Variants in AKAP6 observed in about 807,000 individuals in gnomAD.
AKAP6 encodes the protein A-kinase anchor protein 6.
AKAP6 carries 58 observed loss-of-function variants against 188.5 expected under a neutral mutation model. The observed-to-expected ratio is 0.31, with a 90% CI of 0.25 to 0.38. AKAP6 has a LOEUF of 0.38. AKAP6 is among the 10% of genes least tolerant of loss of function. The pLI is 1.00. For synonymous variants in AKAP6, 989 were observed against 998.6 expected (o/e 0.99, Z 0.18); for missense variants, 2,710 against 2,740.0 (o/e 0.99, Z 0.24).
intron 10 of AKAP6, chr14:32,734,595 A>G (rs1263597248): frequency 6.6e-6 from 1 of 152,146 alleles, no homozygotes; most frequent in Non-Finnish European, 1.5e-5. Context: ...GTGGCAATAA[A>G]TTCTTTTTTG....
At chr14:32,741,092 C>T (rs1165247217) in intron 11 of AKAP6, among the ~76,000 whole-genome samples, 1 of 134,652 alleles carries the variant, frequency 7.4e-6, no homozygotes, top group African/African-American at 2.8e-5. Flanking sequence ...AGAGATTTTT[C>T]AGTTCTTTGG....
chr14:32,708,819 T>C (rs1252108965), intron 9 of AKAP6, among the ~76,000 whole-genome samples: 1 of 151,962 alleles, frequency 6.6e-6, no homozygotes. Flanking sequence ...TTGTCCTTCC[T>C]CCTTAGCTTT....
At chr14:32,548,536 A>C (rs1475899975) in intron 4 of AKAP6, among the ~76,000 whole-genome samples, 2 of 90,280 alleles carry the variant, frequency 2.2e-5, no homozygotes, top group Non-Finnish European at 4.8e-5. Flanking sequence ...TAAAATAGAT[A>C]GATAGATAGA....
intron 1 of AKAP6, among the ~76,000 whole-genome samples, chr14:32,348,041 C>T (rs1887125099): frequency 6.6e-6 from 1 of 152,232 alleles, no homozygotes; most frequent in African/African-American, 2.4e-5. Context: ...AAGGCCATGA[C>T]CCAAGGGCAG....
At chr14:32,519,903 G>T (rs969064775) in intron 2 of AKAP6, among the ~76,000 whole-genome samples, 3 of 152,110 alleles carry the variant, frequency 2.0e-5, no homozygotes, top group African/African-American at 7.2e-5. Context: ...ATTCTTCTCA[G>T]CACCACATCA....
At chr14:32,333,152 A>G (rs1279370351) in intron 1 of AKAP6, among the ~76,000 whole-genome samples, 1 of 152,146 alleles carries the variant, frequency 6.6e-6, no homozygotes, top group Non-Finnish European at 1.5e-5. Flanking sequence ...TTGTGTCTGC[A>G]TGAGGTACAG....
intron 3 of AKAP6, among the ~76,000 whole-genome samples, chr14:32,542,732 G>C (rs1034420728): frequency 6.6e-6 from 1 of 152,210 alleles, no homozygotes; most frequent in Non-Finnish European, 1.5e-5. Context: ...CGTGTGGCCA[G>C]TGAGGGGAGA....
At chr14:32,645,337 T>A (rs1479277925) in intron 7 of AKAP6, among the ~76,000 whole-genome samples, 1 of 152,194 alleles carries the variant, frequency 6.6e-6, no homozygotes, top group South Asian at 2.1e-4. Context: ...ATCAGTAATG[T>A]TTGTTGCATT....
At chr14:32,651,463 T>G (rs113485959) in intron 7 of AKAP6, among the ~76,000 whole-genome samples, 4 of 152,284 alleles carry the variant, frequency 2.6e-5, no homozygotes, top group African/African-American at 9.6e-5. Context: ...ACTGAGTAAT[T>G]TATAAAGAAC....
At chr14:32,395,321 A>G (rs1888843018) in intron 1 of AKAP6, among the ~76,000 whole-genome samples, 1 of 152,108 alleles carries the variant, frequency 6.6e-6, no homozygotes, top group African/African-American at 2.4e-5. Flanking sequence ...GTACTTTATC[A>G]TTAGTAGCAA....
chr14:32,498,583 C>T (rs1218141458), intron 2 of AKAP6, among the ~76,000 whole-genome samples: 1 of 151,980 alleles, frequency 6.6e-6, no homozygotes, highest in Non-Finnish European at 1.5e-5. Flanking sequence ...AATATTTGTT[C>T]ATTAATCCAC....
intron 7 of AKAP6, among the ~76,000 whole-genome samples, chr14:32,617,227 C>T (rs927533507): frequency 2.0e-5 from 3 of 152,086 alleles, no homozygotes; most frequent in Non-Finnish European, 2.9e-5. Context: ...GTCTCCAAAA[C>T]GTCCCAGTTT....
In AKAP6 at chr14:32,577,217, T is replaced by C; in HGVS notation, c.2444T>C (p.Leu815Pro). Residue 815 changes from leucine (L) to proline (P), a missense_variant, in exon 5 of 14, where the codon CTT becomes CCT. This residue lies in a region of AKAP6 where 2,473 missense variants were observed against 2,426.1 expected (regional missense o/e 1.02). Transcript: ENST00000280979. Reference sequence around the variant, plus strand: ...CCCCCTAAAGCAGAGATGGATGACCTTAAACTGTATCTGGAGACACACTTG... The same window carrying C: ...CCCCCTAAAGCAGAGATGGATGACCCTAAACTGTATCTGGAGACACACTTG... ...WTPPKAEMDD[L>P]KLYLETHLSF... 1 of 1,611,466 alleles carries C rather than the reference T, an allele frequency of 6.2e-7. No homozygotes were observed. Among genetic ancestry groups the C allele is most frequent in the South Asian group, 1.1e-5 (1 of 90,482 alleles).
At chr14:32,639,457 A>G (rs573661890) in intron 7 of AKAP6, among the ~76,000 whole-genome samples, 1 of 152,254 alleles carries the variant, frequency 6.6e-6, no homozygotes, top group South Asian at 2.1e-4. Flanking sequence ...AATCCCAATA[A>G]AAAGAATCAT....
At chr14:32,429,414 C>G (rs7157747) in intron 1 of AKAP6, among the ~76,000 whole-genome samples, 112,679 of 152,168 alleles carry the variant, frequency 0.74, 42,769 homozygotes, top group African/African-American at 0.91. Flanking sequence ...TGTTACTATA[C>G]GTTTCTACAA....
chr14:32,816,976 G>A (rs2034393434), intron 12 of AKAP6, among the ~76,000 whole-genome samples: 1 of 151,896 alleles, frequency 6.6e-6, no homozygotes, highest in Non-Finnish European at 1.5e-5. Context: ...GTAACATTCA[G>A]TTCATCCTAG....
intron 1 of AKAP6, among the ~76,000 whole-genome samples, chr14:32,380,245 G>C (rs1209578003): frequency 6.6e-6 from 1 of 152,162 alleles, no homozygotes; most frequent in Non-Finnish European, 1.5e-5. Flanking sequence ...TTCTATGAAG[G>C]CTTCCCTAGT....
chr14:32,381,780 A>G (rs1888369891), intron 1 of AKAP6, among the ~76,000 whole-genome samples: 1 of 151,988 alleles, frequency 6.6e-6, no homozygotes, highest in African/African-American at 2.4e-5. Context: ...TTTTCTTCTA[A>G]CTTACCTCAT....
intron 1 of AKAP6, among the ~76,000 whole-genome samples, chr14:32,412,763 A>G (rs1487675727): frequency 5.3e-5 from 8 of 152,220 alleles, no homozygotes; most frequent in African/African-American, 1.9e-4. Flanking sequence ...AGCATATGCA[A>G]TGTGCCCATA....
Sources: gnomAD v4.1 joint callset for allele counts (sites outside exome capture counted in the v4.1 genomes callset) on GRCh38, gnomAD v4.1.1 for gene constraint, gnomAD v4.1.1 regional missense constraint, MANE v1.5 for transcripts, NCBI Gene and HGNC (gene_info 2026-07-23, HGNC 2026-07-21) for gene names.